Variants in CSMD1 observed in about 807,000 individuals in gnomAD.
The protein encoded by CSMD1 is CUB and Sushi multiple domains 1.
A neutral mutation model predicts 417.5 loss-of-function variants in CSMD1; 213 were observed. That is an observed-to-expected ratio of 0.51 (90% CI 0.46 to 0.57). The LOEUF (loss-of-function observed/expected upper bound fraction) is 0.57, where lower values mean the gene tolerates loss of function less well. Ranked by LOEUF, CSMD1 falls within the 20% of genes least tolerant of loss-of-function variation. The pLI, the probability that CSMD1 is intolerant of heterozygous loss-of-function variation, is 0.00. For missense variants in CSMD1, 6,923 were observed against 4,529.7 expected (o/e 1.53, Z -15.17); for synonymous variants, 2,862 against 1,736.8 (o/e 1.65, Z -16.11).
intron 5 of CSMD1, among the ~76,000 whole-genome samples, chr8:3,826,648 T>C (rs1009375687): frequency 6.6e-6 from 1 of 152,212 alleles, no homozygotes; most frequent in Non-Finnish European, 1.5e-5. Flanking sequence ...TCTCTGTTTA[T>C]CTGCAGCTCG....
At chr8:4,655,592 T>C (rs753380673) in intron 1 of CSMD1, among the ~76,000 whole-genome samples, 1 of 151,788 alleles carries the variant, frequency 6.6e-6, no homozygotes, top group Non-Finnish European at 1.5e-5. Context: ...TTCAAAAAAC[T>C]TCTGTGTAAG....
chr8:4,155,760 C>T (rs1796802207), intron 3 of CSMD1, among the ~76,000 whole-genome samples: 2 of 152,132 alleles, frequency 1.3e-5, no homozygotes, highest in South Asian at 2.1e-4. Context: ...TCATTGATCC[C>T]CGGATCTTTC....
At chr8:4,103,132 G>T (rs994044209) in intron 3 of CSMD1, among the ~76,000 whole-genome samples, 1 of 152,102 alleles carries the variant, frequency 6.6e-6, no homozygotes, top group African/African-American at 2.4e-5. Flanking sequence ...CGAGTTAACA[G>T]TTATTTTGCA....
chr8:4,576,061 T>A (rs779203846), intron 2 of CSMD1, among the ~76,000 whole-genome samples: 1 of 152,232 alleles, frequency 6.6e-6, no homozygotes, highest in Non-Finnish European at 1.5e-5. Flanking sequence ...TCCACTCTTC[T>A]CTCACCAGTG....
intron 1 of CSMD1, among the ~76,000 whole-genome samples, chr8:4,642,701 G>A (rs1181478937): frequency 6.6e-6 from 1 of 152,190 alleles, no homozygotes; most frequent in East Asian, 1.9e-4. Flanking sequence ...TTCGTGCACA[G>A]CCTTTGAAGT....
chr8:4,428,986 A>G (rs916461943), intron 2 of CSMD1, among the ~76,000 whole-genome samples: 1 of 152,002 alleles, frequency 6.6e-6, no homozygotes, highest in Non-Finnish European at 1.5e-5. Context: ...AGTGCTGGGA[A>G]TATAGGCATA....
intron 5 of CSMD1, among the ~76,000 whole-genome samples, chr8:3,931,046 G>A (rs576299793): frequency 1.3e-5 from 2 of 150,414 alleles, no homozygotes; most frequent in South Asian, 2.2e-4. Context: ...TCTTAACTGC[G>A]GTATGATCGC....
At chr8:4,902,469 T>C (rs761144862) in intron 1 of CSMD1, among the ~76,000 whole-genome samples, 1 of 152,002 alleles carries the variant, frequency 6.6e-6, no homozygotes, top group Non-Finnish European at 1.5e-5. Context: ...CTCTATAATC[T>C]TTTCAGGAAT....
intron 1 of CSMD1, among the ~76,000 whole-genome samples, chr8:4,861,878 A>G (rs1802156011): frequency 6.6e-6 from 1 of 152,166 alleles, no homozygotes; most frequent in Non-Finnish European, 1.5e-5. Context: ...GCAGAGGAAG[A>G]GAGACAGAGG....
chr8:4,508,759 T>A (rs573622471), intron 2 of CSMD1, among the ~76,000 whole-genome samples: 1 of 152,242 alleles, frequency 6.6e-6, no homozygotes, highest in East Asian at 1.9e-4. Flanking sequence ...TGTAAAACAC[T>A]CATAAATTAT....
At chr8:4,487,414 T>G in intron 2 of CSMD1, among the ~76,000 whole-genome samples, 1 of 152,066 alleles carries the variant, frequency 6.6e-6, no homozygotes, top group African/African-American at 2.4e-5. Flanking sequence ...GAACATGCAG[T>G]GTTTGGTTTT....
intron 3 of CSMD1, among the ~76,000 whole-genome samples, chr8:4,155,943 C>A (rs1237786529): frequency 6.6e-6 from 1 of 152,178 alleles, no homozygotes; most frequent in South Asian, 2.1e-4. Flanking sequence ...AGGTGTTCTG[C>A]AGCTGCACAT....
At chr8:3,646,338 T>C (rs1047860485) in intron 7 of CSMD1, among the ~76,000 whole-genome samples, 28 of 152,198 alleles carry the variant, frequency 1.8e-4, no homozygotes, top group African/African-American at 6.8e-4. Flanking sequence ...ATTAAAACAT[T>C]GAATATTTTT....
chr8:4,076,720 C>A (rs1355549667), intron 3 of CSMD1, among the ~76,000 whole-genome samples: 1 of 152,220 alleles, frequency 6.6e-6, no homozygotes, highest in Non-Finnish European at 1.5e-5. Context: ...CTACTCATCT[C>A]TGGCTCTCCA....
chr8:4,065,376 T>C (rs1799190185), intron 3 of CSMD1, among the ~76,000 whole-genome samples: 1 of 152,198 alleles, frequency 6.6e-6, no homozygotes, highest in Non-Finnish European at 1.5e-5. Context: ...AGTAAAAGTT[T>C]ATGGTCCTAC....
chr8:4,103,115 C>A (rs1014102996), intron 3 of CSMD1, among the ~76,000 whole-genome samples: 24 of 152,092 alleles, frequency 1.6e-4, no homozygotes, highest in African/African-American at 4.1e-4. Context: ...GATTCTATCT[C>A]TGAACACGAG....
chr8:4,672,032 G>A (rs1168352262), intron 1 of CSMD1, among the ~76,000 whole-genome samples: 3 of 152,150 alleles, frequency 2.0e-5, no homozygotes, highest in Admixed American at 2.0e-4. Context: ...TGACAGTGAT[G>A]ACACCAAGGC....
At chr8:3,271,680 G>A (rs1035093691) in intron 26 of CSMD1, among the ~76,000 whole-genome samples, 41 of 152,348 alleles carry the variant, frequency 2.7e-4, no homozygotes, top group African/African-American at 9.9e-4. Flanking sequence ...CTGATAGCCA[G>A]TGATGATGAG....
chr8:3,553,617 C>G (rs961259659), intron 10 of CSMD1, among the ~76,000 whole-genome samples: 1 of 152,220 alleles, frequency 6.6e-6, no homozygotes, highest in Non-Finnish European at 1.5e-5. Flanking sequence ...TCCCTCCCAG[C>G]ATTGCTAATG....
Sources: gnomAD v4.1 joint callset for allele counts (sites outside exome capture counted in the v4.1 genomes callset) on GRCh38, gnomAD v4.1.1 for gene constraint, MANE v1.5 for transcripts, NCBI Gene and HGNC (gene_info 2026-07-23, HGNC 2026-07-21) for gene names.